The following RECQL4 variants were observed in gnomAD, a reference collection of about 807,000 sequenced individuals.
The protein encoded by RECQL4 is ATP-dependent DNA helicase Q4.
In RECQL4, 158 loss-of-function variants were observed where a neutral mutation model predicts 128.6. The ratio of observed to expected loss-of-function variants is 1.23; its 90% CI spans 1.08 to 1.40. The LOEUF (loss-of-function observed/expected upper bound fraction) is 1.40. Ranked by LOEUF, RECQL4 falls within the 40% of genes most tolerant of loss-of-function variation. RECQL4 has a pLI of 0.00. For missense variants in RECQL4, 2,293 were observed against 1,649.8 expected (o/e 1.39, Z -6.75); for synonymous variants, 996 against 678.9 (o/e 1.47, Z -7.26).
chr8:144,511,590 G>C lies in RECQL4; in HGVS notation c.3503-35C>G, dbSNP rs767603116. 1.9e-6 allele frequency: 3 copies of C among 1,608,098 alleles called. No homozygotes were observed. In the South Asian group the frequency reaches 3.3e-5, roughly 18 times the overall value. ...AGCCAAGACACAGCCGTGAGCCCCA[G>C]CCCCAGCCTGCAGCGGGTGGAGCCT... On this transcript the variant is annotated intron_variant, in intron 20 of 20. Coordinates refer to ENST00000617875, the MANE Select transcript of RECQL4 (RefSeq NM_004260.4).
chr8:144,516,878 G>A (rs1328813192), intron 4 of RECQL4, 114 bp from the exon 5 acceptor site: 8 of 1,381,470 alleles, frequency 5.8e-6, no homozygotes, highest in African/African-American at 1.4e-5. Flanking sequence ...TTAGCACAAG[G>A]CTGGACTAGA....
rs114149451 is a variant in RECQL4 at position 144,512,322 on chromosome 8, C to T, written c.3058G>A (p.Val1020Met). ...LQWDHEPRTG[V>M]RRGTGVLVEF... is the part of the protein sequence containing the mutation. ...ACAAGCACCCCTGTCCCACGCCGCA[C>T]ACCTGCCGGAAAGCATGTCAGATGC... is the stretch of plus-strand genomic sequence containing the variant. Residue 1020 changes from valine to methionine, a missense_variant and splice_region_variant, in exon 18 of 21, where the codon GTG (valine) becomes ATG (methionine). Coordinates refer to ENST00000617875, the MANE Select transcript of RECQL4 (RefSeq NM_004260.4). The T allele has an allele frequency of 1.3e-3, 2,038 of 1,612,228 alleles. 24 individuals carry two copies. The highest frequency in any genetic ancestry group is 6.4e-3 in the African/African-American group (483 of 75,050).
rs373085511 is a variant in RECQL4 at position 144,517,053 on chromosome 8, C to T, written c.351G>A (p.Leu117=). ...QRLKANLKGT[L]QAGPALGRRP... ...TCACTGCCTGCCCACTCCTCACCTG[C>T]AGGGTGCCTTTCAGATTGGCCTTGA... The change falls in exon 4 of 21, where the codon CTG becomes CTA. Residue 117 remains leucine (L), a synonymous_variant. Coordinates refer to ENST00000617875, the MANE Select transcript of RECQL4 (RefSeq NM_004260.4). 1.2e-6 allele frequency: 2 copies of T among 1,609,734 alleles called. No individual in the cohort carries two copies. Among genetic ancestry groups the T allele is most frequent in the Admixed American group, 1.7e-5 (1 of 59,924 alleles).
chr8:144,516,774 G>A lies in RECQL4; in HGVS notation c.355-10C>T. Reference sequence around the variant, plus strand: ...CCAGGGCTGGTCCGGCCTGGGAGGGGAACAACAGAACAGCAGGAGGAACTC... The same window carrying A: ...CCAGGGCTGGTCCGGCCTGGGAGGGAAACAACAGAACAGCAGGAGGAACTC... On this transcript the variant is annotated splice_polypyrimidine_tract_variant and intron_variant, in intron 4 of 20. Coordinates refer to ENST00000617875, the MANE Select transcript of RECQL4 (RefSeq NM_004260.4). 2 of 1,516,616 alleles carry A rather than the reference G, an allele frequency of 1.3e-6. No individual in the cohort carries two copies. Among genetic ancestry groups the A allele is most frequent in the Non-Finnish European group, 1.8e-6 (2 of 1,136,612 alleles). 93.9% of individuals were successfully genotyped at this position (1,516,616 alleles called of 1,614,324 possible).
In RECQL4 at chr8:144,511,344, CCT is replaced by C. The variant is rs1257049107; in HGVS notation, c.*85_*86del. Reference sequence around the variant, plus strand: ...TTTTGGAGCCTCCTCGTTCCCACACCCTGTGGCAGGTTTTGCCCAGGTCCTCA... The same window carrying C: ...TTTTGGAGCCTCCTCGTTCCCACACCGTGGCAGGTTTTGCCCAGGTCCTCA... On this transcript the variant is annotated 3_prime_UTR_variant, in exon 21 of 21. Coordinates refer to ENST00000617875, the MANE Select transcript of RECQL4 (RefSeq NM_004260.4). 4.4e-6 allele frequency: 7 copies of C among 1,584,354 alleles called. No individual in the cohort carries two copies. In the Admixed American group the frequency reaches 5.1e-5, roughly 12 times the overall value.
At chr8:144,514,786 T>C (rs983048064) in intron 9 of RECQL4, 150 bp downstream of exon 9, 3 of 1,044,324 alleles carry the variant, frequency 2.9e-6, no homozygotes, top group African/African-American at 3.2e-5. Flanking sequence ...TGGGCTGCCT[T>C]TGACCTGCTG....
chr8:144,514,401 G>A (rs377272171), intron 10 of RECQL4, 39 bp from the exon 11 acceptor site: 30 of 1,600,716 alleles, frequency 1.9e-5, no homozygotes, highest in Middle Eastern at 1.7e-4. Context: ...CCAGGTGCCC[G>A]CCCGCTGCCT....
rs778513153 is a variant in RECQL4, at chr8:144,511,784, C to T, written c.3399G>A (p.Gln1133=). The T allele has an allele frequency of 2.5e-6, 4 of 1,612,446 alleles. No individual in the cohort carries two copies. The highest frequency in any genetic ancestry group is 2.5e-6 in the Non-Finnish European group (3 of 1,179,830). ...CGCAGCGGACCTGGTCCTCCCAATCCTGGAGCTGTGTGGACAGGCACATCA... is the reference window on the plus strand; with the variant it reads ...CGCAGCGGACCTGGTCCTCCCAATCTTGGAGCTGTGTGGACAGGCACATCA... ...QGPEPGQARL[Q]DWEDQVRCDI... The change falls in exon 20 of 21, where the codon CAG becomes CAA. Residue 1133 remains glutamine (Q), a synonymous_variant. Coordinates refer to ENST00000617875, the MANE Select transcript of RECQL4 (RefSeq NM_004260.4).
At position 144,516,221 on chromosome 8, in the gene RECQL4, C is replaced by A. The variant is rs764510816; in HGVS notation, c.898G>T (p.Gly300Trp). 10 of 1,613,076 alleles carry A rather than the reference C, an allele frequency of 6.2e-6. No homozygotes were observed. The Middle Eastern group carries it at 5.0e-4, about 80-fold the overall frequency. Reference protein sequence around the residue: ...GAVAVEEDPPGEPVQAQPPQP... With the variant: ...GAVAVEEDPPWEPVQAQPPQP... ...GGTGGCTGTGCCTGTACAGGTTCCCCTGGAGGGTCTTCCTCAACTGCTACA... is the reference window on the plus strand; with the variant it reads ...GGTGGCTGTGCCTGTACAGGTTCCCATGGAGGGTCTTCCTCAACTGCTACA... Residue 300 changes from glycine to tryptophan, a missense_variant, in exon 5 of 21, where the codon GGG becomes TGG. Transcript: ENST00000617875.
rs2130745700 is a variant in RECQL4 at position 144,517,732 on chromosome 8, A to G, written c.53T>C (p.Phe18Ser). 1 of 1,350,194 alleles carries G rather than the reference A, an allele frequency of 7.4e-7. No individual in the cohort carries two copies. Among genetic ancestry groups the G allele is most frequent in the Non-Finnish European group, 9.5e-7 (1 of 1,050,204 alleles). The allele number at this position is 1,350,194 out of a possible 1,614,324, so 83.6% of individuals were successfully genotyped here. A position where few individuals can be genotyped will look rare whatever the true frequency, so the allele number is the denominator to read the frequency against. ...RERLQAWERA[F>S]RRQRGRRPSQ... ...CGGTCGCCGCCCGCGCTGCCGTCGG[A>G]ACGCGCGCTCCCACGCCTGCAGCCG... The change falls in exon 1 of 21, where the codon TTC becomes TCC. Residue 18 changes from phenylalanine (F) to serine (S), a missense_variant. Physicochemically the swap from Phe to Ser is radical, Grantham distance 155. Transcript: ENST00000617875.
chr8:144,514,141 C>G, intron 11 of RECQL4, 34 bp from the exon 12 acceptor site: 1 of 1,610,806 alleles, frequency 6.2e-7, no homozygotes, highest in Non-Finnish European at 8.5e-7. Flanking sequence ...TGAGGCCGCC[C>G]AGCCCATCCC....
At position 144,511,907 on chromosome 8, in the gene RECQL4, T is replaced by A. The variant is rs1244284657; in HGVS notation, c.3393+4A>T. 3 of 1,610,376 alleles carry A rather than the reference T, an allele frequency of 1.9e-6. No individual in the cohort carries two copies. The highest frequency in any genetic ancestry group is 2.5e-6 in the Non-Finnish European group (3 of 1,179,672). Reference sequence around the variant, plus strand: ...GATGAGCTGCCTGGCCTTACTGCACTCACTCTGGCCTGCCCTGGCTCGGGG... The same window carrying A: ...GATGAGCTGCCTGGCCTTACTGCACACACTCTGGCCTGCCCTGGCTCGGGG... On this transcript the variant is annotated splice_donor_region_variant and intron_variant, in intron 19 of 20. Transcript: ENST00000617875.
chr8:144,512,806 C>T lies in RECQL4; in HGVS notation c.2756-35G>A, dbSNP rs1827498590. 4 of 1,609,796 alleles carry T rather than the reference C, an allele frequency of 2.5e-6. No homozygotes were observed. The South Asian group carries it at 3.3e-5, about 13-fold the overall frequency. On this transcript the variant is annotated intron_variant, in intron 15 of 20. Coordinates refer to ENST00000617875, the MANE Select transcript of RECQL4 (RefSeq NM_004260.4). ...GAGCAGGGCTCAGCGGACGCGGGGA[C>T]AGCCCCTCCACACCCCTGTGGCTTA...
chr8:144,512,981 A>AC lies in RECQL4; in HGVS notation c.2620dup (p.Val874GlyfsTer10). ...AGCCTCTTGAGGGGGGTACTTGGGC[A>AC]CAGGCCTCTCCCCACCCACGGCCCC... On this transcript the variant is annotated frameshift_variant, in exon 15 of 21. Transcript: ENST00000617875. LOFTEE classifies it high-confidence loss of function. 1 of 1,570,126 alleles carries AC rather than the reference A, an allele frequency of 6.4e-7. No individual in the cohort carries two copies. Among genetic ancestry groups the AC allele is most frequent in the Non-Finnish European group, 8.6e-7 (1 of 1,158,136 alleles).
chr8:144,515,899 T>C lies in RECQL4; in HGVS notation c.1132-9A>G, dbSNP rs1240937063. 2 of 1,612,566 alleles carry C rather than the reference T, an allele frequency of 1.2e-6. No homozygotes were observed. Among genetic ancestry groups the C allele is most frequent in the Non-Finnish European group, 8.5e-7 (1 of 1,179,740 alleles). On this transcript the variant is annotated splice_polypyrimidine_tract_variant and intron_variant, in intron 5 of 20. Coordinates refer to ENST00000617875, the MANE Select transcript of RECQL4 (RefSeq NM_004260.4). ...CACTTCTGCTTCCATGCCTGGGGGG[T>C]GCCCACATAGGAGGGTCACTGGGCG...
chr8:144,517,305 C>T (rs535562377), intron 3 of RECQL4, 109 bp downstream of exon 3: 3 of 1,488,684 alleles, frequency 2.0e-6, no homozygotes, highest in African/African-American at 1.4e-5. Context: ...TTTGCCCAGT[C>T]CCCCTCCCAA....
rs2130663010 is a variant in RECQL4 at position 144,512,477 on chromosome 8, G to T, written c.2970C>A (p.Val990=). The change falls in exon 17 of 21, where the codon GTC becomes GTA. Residue 990 remains valine, a synonymous_variant. Coordinates refer to ENST00000617875, the MANE Select transcript of RECQL4 (RefSeq NM_004260.4). The stretch of plus-strand genomic sequence containing the variant: ...CCCAGCCCATGGAGTCCACCAGCTT[G>T]ACCATGTCAAACTCCACGGAGCTGC... ...QGSSSVEFDM[V]KLVDSMGWEL... 2.5e-6 allele frequency: 4 copies of T among 1,612,374 alleles called. No individual in the cohort carries two copies. The highest frequency in any genetic ancestry group is 3.4e-6 in the Non-Finnish European group (4 of 1,179,778).
intron 6 of RECQL4, 123 bp downstream of exon 6, chr8:144,515,641 G>C (rs1310136184): frequency 1.4e-6 from 2 of 1,461,472 alleles, no homozygotes; most frequent in African/African-American, 1.4e-5. Context: ...AGGGGAGCTA[G>C]GGTAGGGCCT....
In RECQL4 at chr8:144,512,692, G is replaced by A. The variant is rs2130666512; in HGVS notation, c.2835C>T (p.Cys945=). 6.2e-7 allele frequency: 1 copy of A among 1,612,500 alleles called. No individual in the cohort carries two copies. The highest frequency in any genetic ancestry group is 8.5e-7 in the Non-Finnish European group (1 of 1,179,822). ...LELLATTYTH[C]RLNCPGGPAQ... ...CAGGGCCCCCAGGGCAGTTCAGACGGCAATGGGTATAGGTGGTCGCCAGCA... is the reference window on the plus strand; with the variant it reads ...CAGGGCCCCCAGGGCAGTTCAGACGACAATGGGTATAGGTGGTCGCCAGCA... The change falls in exon 16 of 21, where the codon TGC becomes TGT. Residue 945 remains cysteine (C), a synonymous_variant. Coordinates refer to ENST00000617875, the MANE Select transcript of RECQL4 (RefSeq NM_004260.4).
Sources: allele counts gnomAD v4.1 joint callset, GRCh38; gene constraint gnomAD v4.1.1; transcripts MANE v1.5; gene names NCBI Gene and HGNC (gene_info 2026-07-23, HGNC 2026-07-21).